Variants in SNX8 observed in about 807,000 individuals in gnomAD.
SNX8 encodes sorting nexin-8.
In SNX8, 25 loss-of-function variants were observed where a neutral mutation model predicts 51.6. That is an observed-to-expected ratio of 0.48 (90% CI 0.35 to 0.68). The LOEUF (loss-of-function observed/expected upper bound fraction) is 0.68. Ranked by LOEUF, SNX8 falls within the 30% of genes least tolerant of loss-of-function variation. The pLI is 0.00. For synonymous variants in SNX8, 324 were observed against 277.0 expected, an observed-to-expected ratio of 1.17 and a Z score of -1.68; for missense variants, 695 against 624.0, an observed-to-expected ratio of 1.11 and a Z score of -1.21.
intron 5 of SNX8, among the ~76,000 whole-genome samples, chr7:2,267,118 C>A (rs1338244264): frequency 6.6e-6 from 1 of 152,158 alleles, no homozygotes; most frequent in Non-Finnish European, 1.5e-5. Flanking sequence ...TTTCTCCATC[C>A]GTAAAACAGG....
At chr7:2,320,985 A>G (rs1270076992) in intron 1 of SNX8, among the ~76,000 whole-genome samples, 1 of 152,134 alleles carries the variant, frequency 6.6e-6, no homozygotes, top group Non-Finnish European at 1.5e-5. Flanking sequence ...GCGCCACTGC[A>G]CTCCAGTCTG....
rs141176801 is a variant in SNX8 at position 2,345,885 on chromosome 7, G to A, written c.-66+8337C>T. On this transcript the variant is annotated intron_variant, in intron 1 of 5. Transcript: ENST00000435336. Reference sequence around the variant, plus strand: ...TGCAGTGGCAAGATCTCAGCTCACTGCAACTTCCACCTCCTGGGTTCAAGC... The same window carrying A: ...TGCAGTGGCAAGATCTCAGCTCACTACAACTTCCACCTCCTGGGTTCAAGC... Among the ~76,000 whole-genome samples the A allele has an allele frequency of 7.8e-3, 1,179 of 152,064 alleles. 15 individuals are homozygous for A. The highest frequency in any genetic ancestry group is 0.027 in the African/African-American group (1,118 of 41,512).
chr7:2,285,547 G>C (rs1057169102), intron 1 of SNX8, among the ~76,000 whole-genome samples: 2 of 152,148 alleles, frequency 1.3e-5, no homozygotes, highest in Non-Finnish European at 2.9e-5. Flanking sequence ...AACGCCCCTC[G>C]AACATGGAGA....
chr7:2,292,867 T>A (rs1584710717), intron 1 of SNX8, among the ~76,000 whole-genome samples: 1 of 151,572 alleles, frequency 6.6e-6, no homozygotes, highest in Non-Finnish European at 1.5e-5. Context: ...AAAACAAAAA[T>A]AAAAAATTAG....
chr7:2,303,927 G>A (rs1315444776), intron 1 of SNX8, among the ~76,000 whole-genome samples: 2 of 148,316 alleles, frequency 1.3e-5, no homozygotes, highest in African/African-American at 2.5e-5. Flanking sequence ...CCCCCTCTGC[G>A]AGAAACACAA....
At position 2,254,760 on chromosome 7, in the gene SNX8, T is replaced by G; in HGVS notation, c.*296A>C. ...TCCCCCAGGCACAATCTCTGTGAGA[T>G]GAGAGATCCCTGCCTCCCCGCACAG... On this transcript the variant is annotated 3_prime_UTR_variant, in exon 11 of 11. Transcript: ENST00000222990. The G allele has an allele frequency of 4.4e-6, 2 of 450,398 alleles. No individual in the cohort carries two copies. The highest frequency in any genetic ancestry group is 8.1e-6 in the Non-Finnish European group (2 of 247,510). The allele number at this position is 450,398 out of a possible 1,614,324, so 27.9% of individuals were successfully genotyped here. A position where few individuals can be genotyped will look rare whatever the true frequency, so the allele number is the denominator to read the frequency against.
At chr7:2,327,642 C>T (rs1361663955) in intron 1 of SNX8, among the ~76,000 whole-genome samples, 4 of 151,524 alleles carry the variant, frequency 2.6e-5, no homozygotes, top group Non-Finnish European at 5.9e-5. Flanking sequence ...CTCCTGACCT[C>T]ATGATCCGCC....
rs1441241020 is a variant in SNX8 at position 2,340,226 on chromosome 7, C to A, written c.-66+13996G>T. On this transcript the variant is annotated intron_variant, in intron 1 of 5. Transcript: ENST00000435336. ...TACAGGCATGCGCCACCATGCCCGGCTAATTTTCATAATTTTTTTTTTTTT... is the reference window on the plus strand; with the variant it reads ...TACAGGCATGCGCCACCATGCCCGGATAATTTTCATAATTTTTTTTTTTTT... Among the ~76,000 whole-genome samples the A allele has an allele frequency of 2.0e-5, 3 of 151,530 alleles. No homozygotes were observed. The East Asian group carries it at 5.8e-4, about 29-fold the overall frequency.
intron 1 of SNX8, among the ~76,000 whole-genome samples, chr7:2,336,896 C>G (rs933006538): frequency 2.6e-5 from 4 of 151,338 alleles, no homozygotes; most frequent in Non-Finnish European, 4.4e-5. Context: ...GTAATCCCAG[C>G]TACTCCGGAG....
rs922148564 is a variant in SNX8 at position 2,251,796 on chromosome 7, A to G, written c.*3260T>C. The G allele has an allele frequency of 3.3e-5, 5 of 152,664 alleles. No homozygotes were observed. Among genetic ancestry groups the G allele is most frequent in the Admixed American group, 3.3e-4 (5 of 15,330 alleles). The allele number at this position is 152,664 out of a possible 1,614,324, so 9.5% of individuals were successfully genotyped here. A position where few individuals can be genotyped will look rare whatever the true frequency, so the allele number is the denominator to read the frequency against. ...AACAGTTGTTCACACATGTTTATTG[A>G]TAAACCGTCCAAAATGTAGGTCATG... On this transcript the variant is annotated 3_prime_UTR_variant, in exon 11 of 11. Transcript: ENST00000222990.
chr7:2,344,387 G>A (rs1276516228), intron 1 of SNX8, among the ~76,000 whole-genome samples: 1 of 148,046 alleles, frequency 6.8e-6, no homozygotes, highest in Non-Finnish European at 1.5e-5. Flanking sequence ...CCAGACGGGC[G>A]GATCACGAGG....
rs757858617 is a variant in SNX8, at chr7:2,257,505, C to T, written c.994G>A (p.Glu332Lys). The T allele has an allele frequency of 2.9e-5, 46 of 1,603,190 alleles. No homozygotes were observed. In the Admixed American group the frequency reaches 3.2e-4, roughly 11 times the overall value. ...TGCAACACGCCCTTCTCATGCCGCT[C>T]GCACAGGTCCTGCGGGGCCGGGGGA... The part of the protein sequence containing the change: ...DLLQSYKDLC[E>K]RHEKGVLHKH... The change falls in exon 9 of 11, where the codon GAG becomes AAG. Residue 332 changes from glutamate to lysine, a missense_variant. Transcript: ENST00000222990.
chr7:2,328,671 G>A (rs914143521), intron 1 of SNX8, among the ~76,000 whole-genome samples: 8 of 152,066 alleles, frequency 5.3e-5, no homozygotes, highest in South Asian at 4.1e-4. Context: ...AAAATTGCAC[G>A]CTGGGCACGG....
At chr7:2,352,429 C>T (rs912573409) in intron 1 of SNX8, among the ~76,000 whole-genome samples, 4 of 152,070 alleles carry the variant, frequency 2.6e-5, no homozygotes, top group African/African-American at 9.7e-5. Flanking sequence ...CACAGACACA[C>T]CACCAGACAC....
upstream of SNX8, among the ~76,000 whole-genome samples, chr7:2,317,488 G>A (rs984355931): frequency 6.6e-6 from 1 of 151,538 alleles, no homozygotes. Context: ...TGTTGGCCAG[G>A]CTGGTCTCGA....
chr7:2,277,317 G>A (rs1350453960), intron 2 of SNX8, among the ~76,000 whole-genome samples: 1 of 152,232 alleles, frequency 6.6e-6, no homozygotes, highest in Non-Finnish European at 1.5e-5. Flanking sequence ...CCAGCAACAG[G>A]AGGGCCGTGT....
intron 2 of SNX8, among the ~76,000 whole-genome samples, chr7:2,277,337 G>A (rs1036357862): frequency 2.8e-4 from 42 of 152,268 alleles, no homozygotes; most frequent in Admixed American, 7.9e-4. Flanking sequence ...TTATTAAAGG[G>A]GATTAGAGTG....
upstream of SNX8, among the ~76,000 whole-genome samples, chr7:2,317,023 A>AGGGTGAAGGGCGATCCCTTCCCTACAT (rs1261796085): frequency 2.0e-5 from 3 of 152,130 alleles, no homozygotes; most frequent in Admixed American, 6.6e-5. Context: ...AAGAGGGTGA[A>AGGGTGAAGGGCGATCCCTTCCCTACAT]GGGTGAAGGG....
chr7:2,261,803 C>A (rs891725332), intron 7 of SNX8, among the ~76,000 whole-genome samples: 43 of 152,226 alleles, frequency 2.8e-4, no homozygotes, highest in African/African-American at 7.5e-4. Context: ...ATTTCCTCTT[C>A]AGCACGAAAA....
Sources: allele counts gnomAD v4.1 joint callset (sites outside exome capture counted in the v4.1 genomes callset), GRCh38; gene constraint gnomAD v4.1.1; transcripts MANE v1.5; gene names NCBI Gene and HGNC (gene_info 2026-07-23, HGNC 2026-07-21).